Variants in PLEKHA7 observed in about 807,000 individuals in gnomAD.
The protein encoded by PLEKHA7 is pleckstrin homology domain-containing family A member 7.
A neutral mutation model predicts 170.0 loss-of-function variants in PLEKHA7; 104 were observed. The observed-to-expected ratio is 0.61, with a 90% CI of 0.52 to 0.72. The LOEUF is 0.72. Ranked by LOEUF, PLEKHA7 falls within the 30% of genes least tolerant of loss-of-function variation. The probability of loss-of-function intolerance (pLI) is 0.00; values close to 1 mark genes in which losing one functional copy is unlikely to be tolerated. For missense variants in PLEKHA7, 1,615 were observed against 1,671.7 expected, an observed-to-expected ratio of 0.97 and a Z score of 0.59; for synonymous variants, 648 against 660.8, an observed-to-expected ratio of 0.98 and a Z score of 0.30.
intron 3 of PLEKHA7, among the ~76,000 whole-genome samples, chr11:16,916,151 T>C (rs1277246156): frequency 1.3e-5 from 2 of 152,254 alleles, no homozygotes; most frequent in African/African-American, 4.8e-5. Context: ...TTTGGCTGCA[T>C]AAAGGTCTTC....
chr11:16,944,534 TC>T (rs1283425531), intron 3 of PLEKHA7, among the ~76,000 whole-genome samples: 1 of 135,572 alleles, frequency 7.4e-6, no homozygotes, highest in Non-Finnish European at 1.6e-5. Context: ...AAATTAAAGT[TC>T]TTCTCCTTAA....
rs1858031476 is a variant in PLEKHA7, at chr11:16,908,625, A to T, written c.222-37443T>A. On this transcript the variant is annotated intron_variant, in intron 3 of 26. Transcript: ENST00000531066. Reference sequence around the variant, plus strand: ...ATTCTCCTGCCTCAGCCTCCCAAGTAGCTGGGATTACAGGCATGTGCCACC... The same window carrying T: ...ATTCTCCTGCCTCAGCCTCCCAAGTTGCTGGGATTACAGGCATGTGCCACC... Among the ~76,000 whole-genome samples, 2 of 151,630 alleles carry T rather than the reference A, an allele frequency of 1.3e-5. 1 individual carries two copies. The highest frequency in any genetic ancestry group is 1.3e-4 in the Admixed American group (2 of 15,208).
At chr11:16,787,680 T>A (rs2134174481) in intron 23 of PLEKHA7, 1 of 152,278 alleles carries the variant, frequency 6.6e-6, no homozygotes, top group East Asian at 1.9e-4. Flanking sequence ...GCAACATGTT[T>A]ATTGGCGTTG....
intron 3 of PLEKHA7, among the ~76,000 whole-genome samples, chr11:16,976,631 C>T (rs1210428888): frequency 6.6e-6 from 1 of 152,360 alleles, no homozygotes; most frequent in East Asian, 1.9e-4. Flanking sequence ...CCCCAGCCCT[C>T]TAGGCAAGAT....
At chr11:17,009,113 T>G (rs4757489) in intron 3 of PLEKHA7, among the ~76,000 whole-genome samples, 96,399 of 151,876 alleles carry the variant, frequency 0.63, 31,234 homozygotes, top group East Asian at 0.96. Flanking sequence ...ATATGGGCAT[T>G]CATCTCCTTC....
intron 3 of PLEKHA7, among the ~76,000 whole-genome samples, chr11:17,007,572 T>C (rs921574814): frequency 4.1e-5 from 5 of 123,238 alleles, no homozygotes; most frequent in African/African-American, 1.6e-4. Context: ...TCTCTAAAGA[T>C]GCTTTTTTTT....
Position 16,944,833 on chromosome 11 carries a change from A to G in PLEKHA7, c.221+69156T>C, listed in dbSNP as rs7124125. ...AACCAATATTTATTAAGCATTTACT[A>G]TGTTTCACAAATATACATTATCTCA... On this transcript the variant is annotated intron_variant, in intron 3 of 26. Transcript: ENST00000531066. 8.2e-3 allele frequency among the ~76,000 whole-genome samples: 1,248 copies of G among 152,342 alleles called. 19 individuals are homozygous for G. Among genetic ancestry groups the G allele is most frequent in the African/African-American group, 0.028 (1,181 of 41,576 alleles).
In PLEKHA7 at chr11:16,788,898, C is replaced by T. The variant is rs57495815; in HGVS notation, c.3357+198G>A. 6.1e-3 allele frequency: 4,065 copies of T among 665,188 alleles called. 72 individuals carry two copies. The highest frequency in any genetic ancestry group is 0.053 in the African/African-American group (2,939 of 55,304). 41.2% of individuals were successfully genotyped at this position (665,188 alleles called of 1,614,324 possible). On this transcript the variant is annotated intron_variant, in intron 23 of 26. Transcript: ENST00000531066. ...TGGGCCTGTTTGATCCTCACTCCAG[C>T]TCTGGTTCAGGTCACCCTCTGACCA...
intron 3 of PLEKHA7, among the ~76,000 whole-genome samples, chr11:16,892,464 G>T (rs1408229572): frequency 1.6e-5 from 2 of 128,142 alleles, no homozygotes; most frequent in African/African-American, 5.5e-5. Flanking sequence ...GTTTTGTTTT[G>T]AGATAAAGTA....
At position 16,795,334 on chromosome 11, in the gene PLEKHA7, G is replaced by A. The variant is rs1194613012; in HGVS notation, c.2410-316C>T. ...TGACATACTTAGAGTAGTCAATTTC[G>A]TAGAGACAGGAAGTACAACAGTGGT... On this transcript the variant is annotated intron_variant, in intron 17 of 26. Coordinates refer to ENST00000531066, the MANE Select transcript of PLEKHA7 (RefSeq NM_001329630.2). The A allele has an allele frequency of 3.8e-5, 11 of 290,372 alleles. No individual in the cohort carries two copies. In the East Asian group the frequency reaches 5.2e-4, roughly 14 times the overall value. 18.0% of individuals were successfully genotyped at this position (290,372 alleles called of 1,614,324 possible).
chr11:16,948,682 C>T (rs1861214181), intron 3 of PLEKHA7, among the ~76,000 whole-genome samples: 1 of 152,022 alleles, frequency 6.6e-6, no homozygotes, highest in African/African-American at 2.4e-5. Context: ...ACAGACACCC[C>T]TCAGCTTCTC....
At chr11:17,011,212 C>T (rs924217546) in intron 3 of PLEKHA7, among the ~76,000 whole-genome samples, 44 of 152,194 alleles carry the variant, frequency 2.9e-4, no homozygotes, top group African/African-American at 1.1e-3. Context: ...AGCCCTTCCT[C>T]CCGCCAAATG....
chr11:16,860,650 A>G (rs889659812), intron 4 of PLEKHA7, among the ~76,000 whole-genome samples: 1 of 152,200 alleles, frequency 6.6e-6, no homozygotes, highest in African/African-American at 2.4e-5. Context: ...GCTCACAGAG[A>G]CAAATAACTT....
chr11:16,958,844 C>A (rs949334207), intron 3 of PLEKHA7, among the ~76,000 whole-genome samples: 2 of 134,056 alleles, frequency 1.5e-5, no homozygotes, highest in African/African-American at 5.3e-5. Context: ...GCAAAACATA[C>A]TGAAAAGAAG....
At chr11:16,833,092 T>C (rs370603970) in intron 9 of PLEKHA7, among the ~76,000 whole-genome samples, 7 of 152,206 alleles carry the variant, frequency 4.6e-5, no homozygotes, top group African/African-American at 1.7e-4. Flanking sequence ...AGGGAGTTAG[T>C]TTCTTCTTTT....
intron 3 of PLEKHA7, among the ~76,000 whole-genome samples, chr11:16,990,862 A>G (rs1274728480): frequency 1.3e-5 from 2 of 152,258 alleles, no homozygotes; most frequent in East Asian, 3.8e-4. Flanking sequence ...GGAGACCCTC[A>G]GGAGCATGGA....
At chr11:17,012,887 A>C (rs1043858294) in intron 3 of PLEKHA7, among the ~76,000 whole-genome samples, 1 of 152,184 alleles carries the variant, frequency 6.6e-6, no homozygotes, top group Non-Finnish European at 1.5e-5. Context: ...AATCTCACCC[A>C]TCAGTATTTT....
chr11:16,919,285 G>A (rs372235333), intron 3 of PLEKHA7, among the ~76,000 whole-genome samples: 14 of 152,114 alleles, frequency 9.2e-5, no homozygotes, highest in African/African-American at 3.4e-4. Context: ...GGGAAACTCT[G>A]GTGAAAAGAA....
At chr11:16,970,510 T>C (rs1565166983) in intron 3 of PLEKHA7, among the ~76,000 whole-genome samples, 1 of 151,154 alleles carries the variant, frequency 6.6e-6, no homozygotes, top group African/African-American at 2.4e-5. Flanking sequence ...AAATAAAAAA[T>C]AAAAAAAATA....
Sources: gnomAD v4.1 joint callset for allele counts (sites outside exome capture counted in the v4.1 genomes callset) on GRCh38, gnomAD v4.1.1 for gene constraint, MANE v1.5 for transcripts, NCBI Gene and HGNC (gene_info 2026-07-23, HGNC 2026-07-21) for gene names.